Variants in ARID5B observed in about 807,000 individuals in gnomAD.
ARID5B encodes the protein AT-rich interaction domain 5B, also known as AT-rich interactive domain-containing protein 5B.
Under a neutral mutation model 97.2 loss-of-function variants are expected in ARID5B, and 13 were observed. The ratio of observed to expected loss-of-function variants is 0.13; its 90% confidence interval spans 0.09 to 0.21. ARID5B has a LOEUF of 0.21. ARID5B is among the 10% of genes least tolerant of loss of function. The pLI is 1.00. For missense variants in ARID5B, 1,210 were observed against 1,465.3 expected (o/e 0.83, Z 2.84); for synonymous variants, 556 against 570.3 (o/e 0.97, Z 0.36).
intron 4 of ARID5B, among the ~76,000 whole-genome samples, chr10:62,029,207 T>C (rs1010521694): frequency 6.6e-6 from 1 of 152,200 alleles, no homozygotes; most frequent in Admixed American, 6.5e-5. Context: ...CCTCCTGTCC[T>C]GCAGCCCTAA....
At chr10:62,051,074 G>T in intron 5 of ARID5B, 74 bp downstream of exon 5, 1 of 1,263,350 alleles carries the variant, frequency 7.9e-7, no homozygotes, top group South Asian at 1.2e-5. Flanking sequence ...ATCTCTCTGT[G>T]CCTGTGTCTT....
intron 3 of ARID5B, among the ~76,000 whole-genome samples, chr10:61,993,689 T>C (rs1295914894): frequency 1.3e-5 from 2 of 152,210 alleles, no homozygotes; most frequent in Admixed American, 1.3e-4. Context: ...GTGACAAATA[T>C]TCGGTGTCAC....
chr10:61,920,730 C>T (rs1417466418), intron 2 of ARID5B, among the ~76,000 whole-genome samples: 2 of 152,036 alleles, frequency 1.3e-5, no homozygotes, highest in African/African-American at 4.8e-5. Flanking sequence ...AAATATGGGC[C>T]TTTGACTATA....
chr10:61,916,525 C>A (rs935855440), intron 2 of ARID5B, among the ~76,000 whole-genome samples: 2 of 152,286 alleles, frequency 1.3e-5, no homozygotes, highest in East Asian at 1.9e-4. Context: ...ATTTACTCTT[C>A]ATAACAGTAA....
intron 2 of ARID5B, among the ~76,000 whole-genome samples, chr10:61,922,604 A>G (rs1457441642): frequency 6.6e-6 from 1 of 152,244 alleles, no homozygotes; most frequent in East Asian, 1.9e-4. Context: ...CTCCGTCTCA[A>G]AAAAAGAAAA....
chr10:62,027,285 C>CTTTTTTTTTTTTT (rs777291593), intron 4 of ARID5B, among the ~76,000 whole-genome samples: 4 of 67,404 alleles, frequency 5.9e-5, no homozygotes, highest in Non-Finnish European at 1.1e-4. Context: ...ACAGTATCTC[C>CTTTTTTTTTTTTT]TTTTTTTTTT....
intron 3 of ARID5B, among the ~76,000 whole-genome samples, chr10:61,944,804 G>C (rs1056071149): frequency 6.6e-6 from 1 of 152,170 alleles, no homozygotes; most frequent in African/African-American, 2.4e-5. Context: ...GCCACAAACT[G>C]TCTGTGGATG....
chr10:62,090,602 C>T (rs1203818361), intron 9 of ARID5B, among the ~76,000 whole-genome samples: 1 of 152,220 alleles, frequency 6.6e-6, no homozygotes, highest in African/African-American at 2.4e-5. Flanking sequence ...TGTATACCAT[C>T]AGTACATAAT....
intron 8 of ARID5B, among the ~76,000 whole-genome samples, chr10:62,070,934 A>G (rs917627337): frequency 2.0e-5 from 3 of 152,158 alleles, no homozygotes; most frequent in African/African-American, 7.2e-5. Flanking sequence ...CCTAGTACAA[A>G]GTAGCACTGA....
At chr10:61,934,886 G>A (rs1263800421) in intron 2 of ARID5B, among the ~76,000 whole-genome samples, 1 of 151,878 alleles carries the variant, frequency 6.6e-6, no homozygotes, top group Non-Finnish European at 1.5e-5. Context: ...GGTGGCACAT[G>A]CCTGTAATCC....
intron 8 of ARID5B, among the ~76,000 whole-genome samples, chr10:62,070,853 G>A (rs898432792): frequency 1.3e-5 from 2 of 152,004 alleles, no homozygotes; most frequent in African/African-American, 4.8e-5. Context: ...TTTAAAATAT[G>A]TTATTTCTGT....
intron 3 of ARID5B, among the ~76,000 whole-genome samples, chr10:61,976,724 T>C (rs1271422323): frequency 2.0e-5 from 3 of 152,154 alleles, no homozygotes; most frequent in Non-Finnish European, 4.4e-5. Flanking sequence ...ATAGACATAT[T>C]TGCAAGATTT....
chr10:61,955,725 A>G (rs1838382984), intron 3 of ARID5B, among the ~76,000 whole-genome samples: 1 of 152,182 alleles, frequency 6.6e-6, no homozygotes, highest in Admixed American at 6.5e-5. Flanking sequence ...ATCTCAGCTC[A>G]CTGCAACCTC....
intron 3 of ARID5B, among the ~76,000 whole-genome samples, chr10:61,983,867 C>T (rs1273245198): frequency 1.8e-3 from 49 of 27,554 alleles, no homozygotes; most frequent in African/African-American, 5.1e-3. Context: ...CCCTTTTGTT[C>T]TTTTTTTTTT....
intron 7 of ARID5B, among the ~76,000 whole-genome samples, chr10:62,069,032 T>G (rs1840028769): frequency 1.3e-5 from 2 of 152,204 alleles, no homozygotes; most frequent in Non-Finnish European, 2.9e-5. Flanking sequence ...TTGACCTAAG[T>G]GAATAAAAAT....
intron 2 of ARID5B, among the ~76,000 whole-genome samples, chr10:61,926,860 G>A (rs1327073587): frequency 3.9e-5 from 6 of 152,090 alleles, no homozygotes; most frequent in Non-Finnish European, 2.9e-5. Context: ...TCCTGACCTC[G>A]TGATCTGCCC....
chr10:61,996,767 T>A (rs1839002343), intron 3 of ARID5B, among the ~76,000 whole-genome samples: 1 of 152,046 alleles, frequency 6.6e-6, no homozygotes, highest in African/African-American at 2.4e-5. Context: ...AAATTTGCTG[T>A]CTTCTGTGAT....
At chr10:62,007,722 C>T (rs1371017237) in intron 4 of ARID5B, among the ~76,000 whole-genome samples, 1 of 152,204 alleles carries the variant, frequency 6.6e-6, no homozygotes, top group Non-Finnish European at 1.5e-5. Flanking sequence ...CATATTGATA[C>T]AGACTGCTGG....
At chr10:62,053,311 G>A (rs1839815056) in intron 5 of ARID5B, among the ~76,000 whole-genome samples, 1 of 152,230 alleles carries the variant, frequency 6.6e-6, no homozygotes, top group Non-Finnish European at 1.5e-5. Context: ...ACACAGCAAA[G>A]CTCTTAGAGT....
Sources: allele counts gnomAD v4.1 joint callset (sites outside exome capture counted in the v4.1 genomes callset), GRCh38; gene constraint gnomAD v4.1.1; transcripts MANE v1.5; gene names NCBI Gene and HGNC (gene_info 2026-07-23, HGNC 2026-07-21).